SNX25: variants seen among roughly 807,000 people sequenced by gnomAD.
SNX25 encodes sorting nexin 25.
Under a neutral mutation model 113.7 loss-of-function variants are expected in SNX25, and 62 were observed. The ratio of observed to expected loss-of-function variants is 0.55; its 90% CI spans 0.44 to 0.67. The LOEUF (loss-of-function observed/expected upper bound fraction) is 0.67, where lower values mean the gene tolerates loss of function less well. Among genes scored for constraint, SNX25 ranks in the 30% least tolerant of loss-of-function variants. SNX25 has a pLI of 0.00. For missense variants in SNX25, 1,014 were observed against 1,161.0 expected (o/e 0.87, Z 1.84); for synonymous variants, 421 against 436.2 (o/e 0.97, Z 0.43).
At chr4:185,240,529 C>T (rs1408278967) in intron 1 of SNX25, among the ~76,000 whole-genome samples, 8 of 146,382 alleles carry the variant, frequency 5.5e-5, no homozygotes, top group Admixed American at 5.4e-4. Flanking sequence ...GGGGCTGACC[C>T]CCCCACCTCC....
intron 1 of SNX25, among the ~76,000 whole-genome samples, chr4:185,244,468 T>C (rs1043801264): frequency 2.6e-5 from 4 of 152,240 alleles, no homozygotes; most frequent in Non-Finnish European, 5.9e-5. Flanking sequence ...TGTTTAAATA[T>C]CTGCCTGATG....
intron 2 of SNX25, among the ~76,000 whole-genome samples, chr4:185,248,889 T>C (rs1052317845): frequency 6.6e-6 from 1 of 152,358 alleles, no homozygotes; most frequent in Non-Finnish European, 1.5e-5. Context: ...TCTAAAACTT[T>C]ATGGAAATGG....
chr4:185,358,366 T>C (rs1240138157), intron 16 of SNX25, among the ~76,000 whole-genome samples: 1 of 152,220 alleles, frequency 6.6e-6, no homozygotes, highest in Admixed American at 6.5e-5. Flanking sequence ...CTAATGTTGC[T>C]CATAAAAAGT....
At chr4:185,292,352 C>T (rs1383027289) in intron 6 of SNX25, among the ~76,000 whole-genome samples, 2 of 152,014 alleles carry the variant, frequency 1.3e-5, no homozygotes, top group African/African-American at 2.4e-5. Flanking sequence ...CAGCACTTTG[C>T]GGGGACCAAG....
chr4:185,247,690 A>G (rs1209931918), intron 2 of SNX25, among the ~76,000 whole-genome samples: 1 of 151,768 alleles, frequency 6.6e-6, no homozygotes, highest in Admixed American at 6.6e-5. Context: ...TTTTTCTTCT[A>G]ACTATAACCT....
chr4:185,210,189 G>T lies in SNX25; in HGVS notation c.363G>T (p.Gln121His). ...FALVCRSPRA[Q>H]PPDFAAAWSR... is the part of the protein sequence containing the mutation. ...TCGTCTGCCGGAGCCCGCGCGCCCA[G>T]CCGCCCGACTTCGCCGCCGCCTGGA... The change falls in exon 1 of 19, where the codon CAG becomes CAT. Residue 121 changes from glutamine (Q) to histidine (H), a missense_variant. Coordinates refer to ENST00000652585, the MANE Select transcript of SNX25 (RefSeq NM_001378034.2). This position sits in a 1 kb window ranked among gnomAD's most constrained non-coding sequence, Gnocchi z 4.4. 1 of 985,060 alleles carries T rather than the reference G, an allele frequency of 1.0e-6. No homozygotes were observed. Among genetic ancestry groups the T allele is most frequent in the Non-Finnish European group, 1.2e-6 (1 of 830,312 alleles). 61.0% of individuals were successfully genotyped at this position (985,060 alleles called of 1,614,324 possible). A position where few individuals can be genotyped will look rare whatever the true frequency, so the allele number is the denominator to read the frequency against.
intron 1 of SNX25, among the ~76,000 whole-genome samples, chr4:185,245,238 T>C (rs1050618286): frequency 2.0e-5 from 2 of 98,222 alleles, no homozygotes; most frequent in African/African-American, 8.6e-5. Context: ...TACGGTGATA[T>C]GTGATCAAGT....
At chr4:185,225,178 G>C (rs1027260534) in intron 1 of SNX25, among the ~76,000 whole-genome samples, 3 of 150,302 alleles carry the variant, frequency 2.0e-5, no homozygotes, top group Admixed American at 1.3e-4. Flanking sequence ...GAGTGCAGTG[G>C]CGCCATCTCG....
chr4:185,317,131 A>G (rs1290313569), intron 7 of SNX25, among the ~76,000 whole-genome samples: 1 of 152,156 alleles, frequency 6.6e-6, no homozygotes, highest in Non-Finnish European at 1.5e-5. Flanking sequence ...TTACAAGAAA[A>G]AAACAACCCC....
intron 1 of SNX25, among the ~76,000 whole-genome samples, chr4:185,246,600 A>G (rs1244278529): frequency 6.6e-6 from 1 of 152,158 alleles, no homozygotes; most frequent in Non-Finnish European, 1.5e-5. Context: ...GAGTCTCTGT[A>G]TATTTAATGA....
upstream of SNX25, among the ~76,000 whole-genome samples, chr4:185,204,682 C>T (rs1737108897): frequency 6.6e-6 from 1 of 152,168 alleles, no homozygotes; most frequent in African/African-American, 2.4e-5. Context: ...CCAGGATTAT[C>T]CAGTGAACCC....
At chr4:185,211,061 C>T (rs1423966398) in intron 1 of SNX25, among the ~76,000 whole-genome samples, 2 of 152,292 alleles carry the variant, frequency 1.3e-5, no homozygotes, top group East Asian at 3.9e-4. Flanking sequence ...CTGAGTGATA[C>T]CATCATTCTA....
chr4:185,223,750 A>G (rs1396716897), intron 1 of SNX25, among the ~76,000 whole-genome samples: 1 of 152,104 alleles, frequency 6.6e-6, no homozygotes, highest in African/African-American at 2.4e-5. Context: ...CGAAAAAAAA[A>G]AAAAAGTCAT....
intron 8 of SNX25, 104 bp from the exon 9 acceptor site, chr4:185,323,424 C>A: frequency 8.6e-7 from 1 of 1,159,468 alleles, no homozygotes; most frequent in Non-Finnish European, 1.2e-6. Context: ...CAGGGTGCAT[C>A]TTAAATGTCT....
intron 10 of SNX25, 119 bp downstream of exon 10, chr4:185,332,878 C>A: frequency 9.4e-7 from 1 of 1,058,542 alleles, no homozygotes; most frequent in African/African-American, 1.6e-5. Context: ...GAACAAGTTC[C>A]ATTGTTATTT....
In SNX25 at chr4:185,320,662, C is replaced by T. The variant is rs2095112907; in HGVS notation, c.1345-71C>T. On this transcript the variant is annotated intron_variant, in intron 7 of 18. Coordinates refer to ENST00000652585, the MANE Select transcript of SNX25 (RefSeq NM_001378034.2). ...TTTACCCTAAATGTAGAAATCAGTC[C>T]ATTGGAAGTTAAAGCAAACTGACAT... 5.2e-6 allele frequency: 6 copies of T among 1,157,524 alleles called. No individual in the cohort carries two copies. In the East Asian group the frequency reaches 1.1e-4, roughly 21 times the overall value. The allele number at this position is 1,157,524 out of a possible 1,614,324, so 71.7% of individuals were successfully genotyped here.
rs572419213 is a variant in SNX25, at chr4:185,260,189, TAAAA to T, written c.731+1126_731+1129del. 3.9e-3 allele frequency among the ~76,000 whole-genome samples: 514 copies of T among 133,310 alleles called. 2 individuals are homozygous for T. The highest frequency in any genetic ancestry group is 8.5e-3 in the South Asian group (35 of 4,134). The allele number at this position is 133,310 out of a possible 152,430, so 87.5% of individuals were successfully genotyped here. On this transcript the variant is annotated intron_variant, in intron 3 of 18. Coordinates refer to ENST00000652585, the MANE Select transcript of SNX25 (RefSeq NM_001378034.2). Reference sequence around the variant, plus strand: ...ACCAACTCAATTTTATTTTCTTACTTAAAAGAAAGTAAAACATTGGTTTTATTTT... The same window carrying T: ...ACCAACTCAATTTTATTTTCTTACTTGAAAGTAAAACATTGGTTTTATTTT...
chr4:185,274,546 AT>A (rs1434969392), intron 5 of SNX25, among the ~76,000 whole-genome samples: 1 of 152,182 alleles, frequency 6.6e-6, no homozygotes, highest in Non-Finnish European at 1.5e-5. Context: ...GCAAGCAGCC[AT>A]TTTTGCTGCC....
At chr4:185,335,920 G>A (rs1198496473) in intron 10 of SNX25, among the ~76,000 whole-genome samples, 1 of 152,114 alleles carries the variant, frequency 6.6e-6, no homozygotes, top group Non-Finnish European at 1.5e-5. Context: ...TAAAATGCAG[G>A]ACAATGGCAT....
Sources: gnomAD v4.1 joint callset for allele counts (sites outside exome capture counted in the v4.1 genomes callset) on GRCh38, gnomAD v4.1.1 for gene constraint, Gnocchi (gnomAD v3.1) non-coding constraint, MANE v1.5 for transcripts, NCBI Gene and HGNC (gene_info 2026-07-23, HGNC 2026-07-21) for gene names.